NTM: variants seen among roughly 807,000 people sequenced by gnomAD.
NTM encodes the protein IgLON family member 2.
NTM carries 13 observed loss-of-function variants against 42.1 expected under a neutral mutation model. The observed-to-expected ratio is 0.31, with a 90% CI of 0.20 to 0.49. The LOEUF (loss-of-function observed/expected upper bound fraction) is 0.49. Ranked by LOEUF, NTM falls within the 20% of genes least tolerant of loss-of-function variation. The probability of loss-of-function intolerance (pLI) is 0.99; values close to 1 mark genes in which losing one functional copy is unlikely to be tolerated. For missense variants in NTM, 373 were observed against 452.8 expected (o/e 0.82, Z 1.60); for synonymous variants, 187 against 179.2 (o/e 1.04, Z -0.35).
At chr11:131,856,864 GA>G (rs1158825809) in intron 1 of NTM, among the ~76,000 whole-genome samples, 1 of 152,174 alleles carries the variant, frequency 6.6e-6, no homozygotes, top group Non-Finnish European at 1.5e-5. Context: ...GGCCCATCCA[GA>G]AAGCTTTATC....
At chr11:132,307,003 C>G (rs534168997) in intron 4 of NTM, among the ~76,000 whole-genome samples, 5 of 152,132 alleles carry the variant, frequency 3.3e-5, no homozygotes, top group African/African-American at 4.8e-5. Flanking sequence ...TGAGTGGATT[C>G]GCAGCCACGT....
chr11:132,012,723 G>C (rs1262696673), intron 2 of NTM, among the ~76,000 whole-genome samples: 2 of 152,086 alleles, frequency 1.3e-5, no homozygotes, highest in East Asian at 3.9e-4. Context: ...AATCTAAAAA[G>C]GTTATTTAGA....
intron 2 of NTM, among the ~76,000 whole-genome samples, chr11:132,104,204 A>G (rs972908438): frequency 6.6e-6 from 1 of 152,150 alleles, no homozygotes; most frequent in African/African-American, 2.4e-5. Flanking sequence ...GGGCATCTTT[A>G]TGTCAAAGTG....
chr11:131,939,117 A>T (rs1318550217), intron 2 of NTM, among the ~76,000 whole-genome samples: 1 of 152,172 alleles, frequency 6.6e-6, no homozygotes, highest in African/African-American at 2.4e-5. Flanking sequence ...CACCAAGATA[A>T]GGAGAAATTG....
intron 1 of NTM, among the ~76,000 whole-genome samples, chr11:131,586,832 T>C (rs2058907678): frequency 6.6e-6 from 1 of 152,214 alleles, no homozygotes. Flanking sequence ...GAGACTGCTT[T>C]TTAAGTGTTT....
intron 4 of NTM, among the ~76,000 whole-genome samples, chr11:132,226,747 G>T (rs760516160): frequency 9.9e-5 from 15 of 152,108 alleles, no homozygotes; most frequent in Non-Finnish European, 1.5e-4. Flanking sequence ...GGACTGCAGT[G>T]GTAGGATTTG....
intron 2 of NTM, among the ~76,000 whole-genome samples, chr11:132,085,006 C>G (rs915638028): frequency 2.6e-5 from 4 of 152,106 alleles, no homozygotes; most frequent in Non-Finnish European, 5.9e-5. Flanking sequence ...CTTAAGAAAA[C>G]CTTTGTGCTT....
chr11:131,975,938 T>C (rs141534175), intron 2 of NTM, among the ~76,000 whole-genome samples: 11 of 152,286 alleles, frequency 7.2e-5, no homozygotes, highest in Middle Eastern at 3.4e-3. Context: ...CTCTGGAGTC[T>C]GTTGGCAGAA....
At chr11:132,215,499 C>T (rs1160480424) in intron 4 of NTM, among the ~76,000 whole-genome samples, 1 of 152,142 alleles carries the variant, frequency 6.6e-6, no homozygotes, top group Non-Finnish European at 1.5e-5. Flanking sequence ...TTAGACGTGG[C>T]TCATACACTT....
chr11:131,507,049 G>C (rs577524654), intron 1 of NTM, among the ~76,000 whole-genome samples: 1 of 151,968 alleles, frequency 6.6e-6, no homozygotes, highest in African/African-American at 2.4e-5. Flanking sequence ...CCCTTATATC[G>C]GTACACTGTT....
intron 4 of NTM, among the ~76,000 whole-genome samples, chr11:132,252,480 G>T (rs1374972854): frequency 6.6e-6 from 1 of 152,124 alleles, no homozygotes; most frequent in Non-Finnish European, 1.5e-5. Flanking sequence ...ATTCTGTGGG[G>T]CATATGGCAG....
chr11:132,200,401 C>T (rs1026321270), intron 3 of NTM, among the ~76,000 whole-genome samples: 1 of 152,138 alleles, frequency 6.6e-6, no homozygotes, highest in Non-Finnish European at 1.5e-5. Context: ...GGGCTAATGA[C>T]CCTCCTTTGC....
chr11:132,049,463 G>A (rs1220637419), intron 2 of NTM, among the ~76,000 whole-genome samples: 2 of 152,190 alleles, frequency 1.3e-5, no homozygotes, highest in African/African-American at 4.8e-5. Context: ...CGGTTGTGAG[G>A]CTGAAGAGCA....
At chr11:131,877,043 G>C (rs2048636257) in intron 1 of NTM, among the ~76,000 whole-genome samples, 1 of 152,094 alleles carries the variant, frequency 6.6e-6, no homozygotes, top group Admixed American at 6.5e-5. Context: ...GTTTTTAGTA[G>C]AGATGGGGTT....
At chr11:132,060,098 C>A (rs558733243) in intron 2 of NTM, among the ~76,000 whole-genome samples, 149 of 152,296 alleles carry the variant, frequency 9.8e-4, no homozygotes, top group Non-Finnish European at 1.8e-3. Context: ...GACATAGGCC[C>A]CAGGTTGAGT....
chr11:131,794,640 T>TGAAA (rs1428423793), intron 1 of NTM: 12 of 985,096 alleles, frequency 1.2e-5, no homozygotes, highest in Non-Finnish European at 1.4e-5. Flanking sequence ...AATGAATGAA[T>TGAAA]GAATGAGTAG....
Position 131,956,517 on chromosome 11 carries a change from G to C in NTM, c.167+44869G>C, listed in dbSNP as rs186476412. Reference sequence around the variant, plus strand: ...GTTTTCAGGGGTGTTAAATAGTGAGGCTCTTAAGAATGCAGGAAGCTTGGG... The same window carrying C: ...GTTTTCAGGGGTGTTAAATAGTGAGCCTCTTAAGAATGCAGGAAGCTTGGG... On this transcript the variant is annotated intron_variant, in intron 2 of 8. Transcript: ENST00000683400. 8.7e-3 allele frequency among the ~76,000 whole-genome samples: 1,323 copies of C among 151,730 alleles called. 7 individuals are homozygous for C. Among genetic ancestry groups the C allele is most frequent in the Non-Finnish European group, 0.012 (808 of 67,986 alleles).
At chr11:132,239,838 A>G (rs183481766) in intron 4 of NTM, among the ~76,000 whole-genome samples, 10 of 152,354 alleles carry the variant, frequency 6.6e-5, no homozygotes, top group East Asian at 1.9e-4. Context: ...TTAAAGGAAA[A>G]GGACATCACT....
chr11:131,628,977 G>A (rs1049530655), intron 1 of NTM, among the ~76,000 whole-genome samples: 1 of 152,232 alleles, frequency 6.6e-6, no homozygotes, highest in Admixed American at 6.5e-5. Flanking sequence ...TCATTTTGGG[G>A]CATCTGTGCA....
Sources: gnomAD v4.1 joint callset for allele counts (sites outside exome capture counted in the v4.1 genomes callset) on GRCh38, gnomAD v4.1.1 for gene constraint, MANE v1.5 for transcripts, NCBI Gene and HGNC (gene_info 2026-07-23, HGNC 2026-07-21) for gene names.